Variants in PKN2 observed in about 807,000 individuals in gnomAD.
The protein encoded by PKN2 is protein kinase N2.
Under a neutral mutation model 119.1 loss-of-function variants are expected in PKN2, and 38 were observed. The ratio of observed to expected loss-of-function variants is 0.32; its 90% CI spans 0.25 to 0.42. PKN2 has a LOEUF of 0.42. PKN2 is among the 10% of genes least tolerant of loss of function. The pLI, the probability that PKN2 is intolerant of heterozygous loss-of-function variation, is 1.00. For missense variants in PKN2, 850 were observed against 1,165.1 expected (o/e 0.73, Z 3.94); for synonymous variants, 390 against 384.9 (o/e 1.01, Z -0.15).
At chr1:88,713,877 G>T (rs1037431468) in intron 1 of PKN2, among the ~76,000 whole-genome samples, 5 of 152,138 alleles carry the variant, frequency 3.3e-5, no homozygotes, top group African/African-American at 9.7e-5. Context: ...GAATGGTATT[G>T]CCTAGGTTTT....
In PKN2 at chr1:88,732,296, A is replaced by G. The variant is rs962387731; in HGVS notation, c.49-8692A>G. On this transcript the variant is annotated intron_variant, in intron 1 of 21. Transcript: ENST00000370521. Reference sequence around the variant, plus strand: ...TGGAGAAAATTTTATTGTCAAAAAAATAGAGAAAACATGGAAAACTTTGAA... The same window carrying G: ...TGGAGAAAATTTTATTGTCAAAAAAGTAGAGAAAACATGGAAAACTTTGAA... Among the ~76,000 whole-genome samples, 4 of 152,336 alleles carry G rather than the reference A, an allele frequency of 2.6e-5. No homozygotes were observed. In the East Asian group the frequency reaches 5.8e-4, roughly 22 times the overall value.
intron 3 of PKN2, among the ~76,000 whole-genome samples, chr1:88,770,121 C>G (rs930487446): frequency 2.0e-5 from 3 of 152,056 alleles, no homozygotes; most frequent in African/African-American, 7.2e-5. Context: ...ATAAGATTTC[C>G]TTTTCTCCCA....
chr1:88,757,980 G>T (rs1416353953), intron 2 of PKN2, among the ~76,000 whole-genome samples: 2 of 137,876 alleles, frequency 1.5e-5, no homozygotes, highest in Non-Finnish European at 3.0e-5. Context: ...GGCGGAGGTT[G>T]CAGTGAGCCG....
Position 88,833,789 on chromosome 1 carries a change from T to A in PKN2, c.*341T>A, listed in dbSNP as rs1197415626. 5.2e-6 allele frequency: 1 copy of A among 190,986 alleles called. No individual in the cohort carries two copies. The highest frequency in any genetic ancestry group is 1.1e-5 in the Non-Finnish European group (1 of 93,624). 11.8% of individuals were successfully genotyped at this position (190,986 alleles called of 1,614,324 possible). On this transcript the variant is annotated 3_prime_UTR_variant, in exon 22 of 22. Coordinates refer to ENST00000370521, the MANE Select transcript of PKN2 (RefSeq NM_006256.4). ...TTTTATAGTCCCTAGCTTTGCCATATGCCCGCCTTAAGTGGAAGGAAAGTT... is the reference window on the plus strand; with the variant it reads ...TTTTATAGTCCCTAGCTTTGCCATAAGCCCGCCTTAAGTGGAAGGAAAGTT...
At chr1:88,825,762 A>G (rs939417049) in intron 18 of PKN2, among the ~76,000 whole-genome samples, 2 of 152,152 alleles carry the variant, frequency 1.3e-5, no homozygotes, top group African/African-American at 4.8e-5. Flanking sequence ...GTCCATATAA[A>G]TACAGATCGG....
At position 88,781,213 on chromosome 1, in the gene PKN2, T is replaced by C. The variant is rs926242590; in HGVS notation, c.986-3426T>C. 2.5e-6 allele frequency: 3 copies of C among 1,194,530 alleles called. No individual in the cohort carries two copies. The African/African-American group carries it at 4.7e-5, about 19-fold the overall frequency. The allele number at this position is 1,194,530 out of a possible 1,614,324, so 74.0% of individuals were successfully genotyped here. A position where few individuals can be genotyped will look rare whatever the true frequency, so the allele number is the denominator to read the frequency against. ...TTCACTGCATGCTATTATTTGTGGT[T>C]CGTCTCATACTCCAGTTTCTTTTGT... On this transcript the variant is annotated intron_variant, in intron 6 of 21. Transcript: ENST00000370521.
intron 1 of PKN2, among the ~76,000 whole-genome samples, chr1:88,697,345 A>C (rs990840144): frequency 6.6e-6 from 1 of 152,220 alleles, no homozygotes; most frequent in Non-Finnish European, 1.5e-5. Flanking sequence ...CCAATCTGCC[A>C]GACCTGACTT....
chr1:88,811,471 T>A (rs1036143095), intron 15 of PKN2, among the ~76,000 whole-genome samples: 1 of 152,204 alleles, frequency 6.6e-6, no homozygotes, highest in Non-Finnish European at 1.5e-5. Flanking sequence ...TAATACATTA[T>A]GTAATAAAGG....
At chr1:88,820,231 T>G (rs924762777) in intron 16 of PKN2, among the ~76,000 whole-genome samples, 15 of 55,114 alleles carry the variant, frequency 2.7e-4, no homozygotes, top group African/African-American at 1.3e-3. Flanking sequence ...TATATATATA[T>G]ATAAATAGAA....
In PKN2 at chr1:88,733,474, G is replaced by T. The variant is rs542473420; in HGVS notation, c.49-7514G>T. Among the ~76,000 whole-genome samples the T allele has an allele frequency of 3.9e-5, 6 of 152,208 alleles. No homozygotes were observed. In the East Asian group the frequency reaches 9.6e-4, roughly 24 times the overall value. Reference sequence around the variant, plus strand: ...TTTTTCATACACCTGTGGGTTGTTTGTATGTTCTTTTTTTGGAGAAATGTC... The same window carrying T: ...TTTTTCATACACCTGTGGGTTGTTTTTATGTTCTTTTTTTGGAGAAATGTC... On this transcript the variant is annotated intron_variant, in intron 1 of 21. Coordinates refer to ENST00000370521, the MANE Select transcript of PKN2 (RefSeq NM_006256.4).
At position 88,769,745 on chromosome 1, in the gene PKN2, T is replaced by C. The variant is rs1669808979; in HGVS notation, c.505-607T>C. Among the ~76,000 whole-genome samples the C allele has an allele frequency of 2.0e-5, 3 of 152,120 alleles. No homozygotes were observed. The South Asian group carries it at 6.2e-4, about 32-fold the overall frequency. On this transcript the variant is annotated intron_variant, in intron 3 of 21. Coordinates refer to ENST00000370521, the MANE Select transcript of PKN2 (RefSeq NM_006256.4). The stretch of plus-strand genomic sequence containing the variant: ...AATACTGTATGATCTCACTTACCTG[T>C]GGAATCCAAAAAAAGCTGAATAAAT...
At chr1:88,766,228 A>G (rs1669665149) in intron 3 of PKN2, among the ~76,000 whole-genome samples, 1 of 152,170 alleles carries the variant, frequency 6.6e-6, no homozygotes, top group Non-Finnish European at 1.5e-5. Context: ...ATTCTGATTG[A>G]TTAATATTTG....
At chr1:88,727,468 G>T (rs530672824) in intron 1 of PKN2, among the ~76,000 whole-genome samples, 79 of 152,212 alleles carry the variant, frequency 5.2e-4, no homozygotes, top group African/African-American at 1.8e-3. Flanking sequence ...ACTGCACCCG[G>T]CCCAAGGCCA....
intron 3 of PKN2, among the ~76,000 whole-genome samples, chr1:88,767,637 C>T (rs1201061743): frequency 6.6e-6 from 1 of 152,142 alleles, no homozygotes; most frequent in Admixed American, 6.5e-5. Flanking sequence ...TATATCTAAA[C>T]ATAGGTATAT....
intron 8 of PKN2, among the ~76,000 whole-genome samples, chr1:88,795,650 A>G (rs946371908): frequency 6.6e-6 from 1 of 152,216 alleles, no homozygotes; most frequent in Non-Finnish European, 1.5e-5. Flanking sequence ...AGTTTCAGTT[A>G]GTTTTCTCAG....
At chr1:88,726,763 G>GTTT (rs34135870) in intron 1 of PKN2, among the ~76,000 whole-genome samples, 6 of 150,498 alleles carry the variant, frequency 4.0e-5, no homozygotes, top group African/African-American at 1.5e-4. Context: ...AGTTTTGGTG[G>GTTT]TTTTTTTTTG....
chr1:88,792,782 A>G (rs1021287079), intron 8 of PKN2, among the ~76,000 whole-genome samples: 8 of 152,174 alleles, frequency 5.3e-5, no homozygotes, highest in African/African-American at 1.9e-4. Flanking sequence ...GCAAACCTCA[A>G]TATATAGGAT....
intron 2 of PKN2, among the ~76,000 whole-genome samples, chr1:88,759,637 G>A (rs567021129): frequency 1.3e-5 from 2 of 152,200 alleles, no homozygotes; most frequent in Non-Finnish European, 2.9e-5. Context: ...TGTTTACTCT[G>A]TTGATAGTTT....
intron 1 of PKN2, among the ~76,000 whole-genome samples, chr1:88,735,298 A>G (rs888893802): frequency 1.3e-5 from 2 of 152,012 alleles, no homozygotes; most frequent in Non-Finnish European, 2.9e-5. Flanking sequence ...ATCTGGGACT[A>G]CAGCCACACG....
Sources: gnomAD v4.1 joint callset for allele counts (sites outside exome capture counted in the v4.1 genomes callset) on GRCh38, gnomAD v4.1.1 for gene constraint, MANE v1.5 for transcripts, NCBI Gene and HGNC (gene_info 2026-07-23, HGNC 2026-07-21) for gene names.